Variants in BCKDHB observed in about 807,000 individuals in gnomAD.
BCKDHB encodes branched chain keto acid dehydrogenase E1 subunit beta.
Under a neutral mutation model 48.5 loss-of-function variants are expected in BCKDHB, and 41 were observed. The ratio of observed to expected loss-of-function variants is 0.85; its 90% CI spans 0.66 to 1.10. BCKDHB has a LOEUF of 1.10. Among genes scored for constraint, BCKDHB ranks in the 50% least tolerant of loss-of-function variants. BCKDHB has a pLI of 0.00. For synonymous variants in BCKDHB, 201 were observed against 174.8 expected, an observed-to-expected ratio of 1.15 and a Z score of -1.18; for missense variants, 496 against 494.2, an observed-to-expected ratio of 1.00 and a Z score of -0.03.
chr6:80,412,418 A>T, the BCKDHB span, among the ~76,000 whole-genome samples: 2 of 151,978 alleles, frequency 1.3e-5, no homozygotes, highest in Non-Finnish European at 2.9e-5. Flanking sequence ...GAGTGCTAGG[A>T]TTACAGATGT....
chr6:80,133,720 G>A (rs1384957563), intron 3 of BCKDHB, among the ~76,000 whole-genome samples: 4 of 151,890 alleles, frequency 2.6e-5, no homozygotes, highest in Admixed American at 6.6e-5. Context: ...ACGGCTCACT[G>A]TAACCTCTCT....
chr6:80,373,976 T>C, the BCKDHB span: 12 of 570,038 alleles, frequency 2.1e-5, no homozygotes, highest in South Asian at 1.5e-4. Context: ...TCTGTGTCTT[T>C]TCTTTTTCCT....
intron 1 of BCKDHB, 43 bp downstream of exon 1, chr6:80,106,932 C>T: frequency 6.4e-7 from 1 of 1,569,362 alleles, no homozygotes; most frequent in Non-Finnish European, 8.6e-7. Context: ...GCAGCCCGGA[C>T]TCCCAGGCTC....
At chr6:80,385,146 C>T in the BCKDHB span, among the ~76,000 whole-genome samples, 1 of 152,164 alleles carries the variant, frequency 6.6e-6, no homozygotes, top group South Asian at 2.1e-4. Context: ...CTCCTAAGTT[C>T]AATGGACGAA....
At chr6:80,374,349 T>G in the BCKDHB span, 1 of 904,502 alleles carries the variant, frequency 1.1e-6, no homozygotes, top group African/African-American at 1.6e-5. Context: ...GCCCCACTGC[T>G]TGGCCTGGGC....
chr6:80,398,641 T>C, the BCKDHB span, among the ~76,000 whole-genome samples: 2 of 151,068 alleles, frequency 1.3e-5, no homozygotes, highest in Non-Finnish European at 2.9e-5. Context: ...AGATTCACAG[T>C]CAAATTCTAC....
At chr6:80,126,994 A>G (rs887258251) in intron 1 of BCKDHB, among the ~76,000 whole-genome samples, 1 of 152,176 alleles carries the variant, frequency 6.6e-6, no homozygotes, top group Non-Finnish European at 1.5e-5. Flanking sequence ...GCTCACAGAT[A>G]TTCTATTTAA....
intron 9 of BCKDHB, among the ~76,000 whole-genome samples, chr6:80,315,360 C>T (rs763775459): frequency 5.3e-5 from 8 of 152,126 alleles, no homozygotes; most frequent in Non-Finnish European, 1.0e-4. Context: ...TCGTTCACTG[C>T]TTCCCTTAAC....
the BCKDHB span, among the ~76,000 whole-genome samples, chr6:80,435,487 G>A: frequency 1.1e-4 from 17 of 152,202 alleles, no homozygotes; most frequent in Non-Finnish European, 1.8e-4. Flanking sequence ...TCTAGTCACT[G>A]TGCAACATTC....
intron 8 of BCKDHB, among the ~76,000 whole-genome samples, chr6:80,259,816 T>A (rs1777217867): frequency 6.6e-6 from 1 of 152,138 alleles, no homozygotes. Context: ...ATTCTGAATT[T>A]TATTTTTGAA....
chr6:80,291,999 A>T (rs1012187955), intron 9 of BCKDHB, among the ~76,000 whole-genome samples: 1 of 152,166 alleles, frequency 6.6e-6, no homozygotes, highest in African/African-American at 2.4e-5. Flanking sequence ...GAGCCCTGCC[A>T]TGGGTTTGTA....
Position 80,127,574 on chromosome 6 carries a change from A to C in BCKDHB, c.224A>C (p.Gln75Pro), listed in dbSNP as rs764568237. 1 of 1,613,302 alleles carries C rather than the reference A, an allele frequency of 6.2e-7. No homozygotes were observed. Among genetic ancestry groups the C allele is most frequent in the Non-Finnish European group, 8.5e-7 (1 of 1,179,472 alleles). Residue 75 changes from glutamine (Q) to proline (P), a missense_variant, in exon 2 of 10, where the codon CAG becomes CCG. Transcript: ENST00000320393. ...CAAACTCAGAAAATGAATCTTTTCC[A>C]GTCTGTAACAAGTGCCTTGGATAAC... ...YGQTQKMNLFQSVTSALDNSL... is the reference protein window; with the variant it reads ...YGQTQKMNLFPSVTSALDNSL...
intron 3 of BCKDHB, among the ~76,000 whole-genome samples, chr6:80,148,465 G>T (rs1479993246): frequency 6.6e-6 from 1 of 152,092 alleles, no homozygotes; most frequent in East Asian, 1.9e-4. Context: ...GAGCTGTCAA[G>T]CTCTGCTGGT....
chr6:80,292,941 C>T (rs1562208543), intron 9 of BCKDHB, among the ~76,000 whole-genome samples: 3 of 152,232 alleles, frequency 2.0e-5, no homozygotes, highest in Non-Finnish European at 4.4e-5. Context: ...CCATGTCTCA[C>T]ATCCAGGTCA....
chr6:80,290,927 CTG>C (rs1766877267), intron 9 of BCKDHB, among the ~76,000 whole-genome samples: 1 of 152,166 alleles, frequency 6.6e-6, no homozygotes, highest in African/African-American at 2.4e-5. Flanking sequence ...CACTTGTAAA[CTG>C]TCATGGTGCT....
the BCKDHB span, among the ~76,000 whole-genome samples, chr6:80,461,907 G>T: frequency 3.9e-5 from 6 of 152,138 alleles, no homozygotes; most frequent in East Asian, 7.7e-4. Flanking sequence ...GAGTTTAAAA[G>T]ACAGAGAAGA....
intron 9 of BCKDHB, among the ~76,000 whole-genome samples, chr6:80,285,254 G>A (rs1419013013): frequency 3.9e-5 from 6 of 152,066 alleles, no homozygotes; most frequent in African/African-American, 1.4e-4. Context: ...ATTAAAACCA[G>A]CTTTTCTGTG....
chr6:80,306,051 A>G (rs1767859162), intron 9 of BCKDHB, among the ~76,000 whole-genome samples: 1 of 152,180 alleles, frequency 6.6e-6, no homozygotes, highest in Non-Finnish European at 1.5e-5. Context: ...CCATATGGCT[A>G]TCGTGAAGAT....
the BCKDHB span, among the ~76,000 whole-genome samples, chr6:80,396,340 T>C: frequency 6.6e-6 from 1 of 152,230 alleles, no homozygotes; most frequent in African/African-American, 2.4e-5. Flanking sequence ...AATACCTCTA[T>C]CCTCATTATA....
Sources: allele counts gnomAD v4.1 joint callset (sites outside exome capture counted in the v4.1 genomes callset), GRCh38; gene constraint gnomAD v4.1.1; transcripts MANE v1.5; gene names NCBI Gene and HGNC (gene_info 2026-07-23, HGNC 2026-07-21).